The following RIPK1 variants were observed in gnomAD, a reference collection of about 807,000 sequenced individuals.
RIPK1 encodes receptor-interacting serine/threonine-protein kinase 1.
Under a neutral mutation model 62.4 loss-of-function variants are expected in RIPK1, and 27 were observed. That is an observed-to-expected ratio of 0.43 (90% CI 0.32 to 0.60). The LOEUF (loss-of-function observed/expected upper bound fraction) is 0.60. Ranked by LOEUF, RIPK1 falls within the 20% of genes least tolerant of loss-of-function variation. RIPK1 has a pLI of 0.07. For missense variants in RIPK1, 735 were observed against 831.0 expected, an observed-to-expected ratio of 0.88 and a Z score of 1.42; for synonymous variants, 287 against 303.2, an observed-to-expected ratio of 0.95 and a Z score of 0.55.
At position 3,097,353 on chromosome 6, in the gene RIPK1, A is replaced by G. The variant is rs148278500; in HGVS notation, c.916-6872A>G. ...CCTTATCAGATTCTTGTCAAGAATT[A>G]TTATAAAGCTATATTAAAAAGACAG... On this transcript the variant is annotated intron_variant, in intron 7 of 10. Transcript: ENST00000259808. Among the ~76,000 whole-genome samples the G allele has an allele frequency of 9.8e-5, 15 of 152,372 alleles. No homozygotes were observed. The East Asian group carries it at 2.9e-3, about 29-fold the overall frequency.
intron 7 of RIPK1, among the ~76,000 whole-genome samples, chr6:3,101,563 G>A (rs1310806135): frequency 6.6e-6 from 1 of 151,972 alleles, no homozygotes; most frequent in Non-Finnish European, 1.5e-5. Flanking sequence ...TATTCATTTA[G>A]CTAGTATTTT....
chr6:3,089,455 G>A (rs1759902094), intron 6 of RIPK1, 126 bp from the exon 7 acceptor site: 2 of 639,598 alleles, frequency 3.1e-6, no homozygotes, highest in African/African-American at 3.7e-5. Context: ...GTGATTTGGA[G>A]CTTAAATTTT....
intron 6 of RIPK1, among the ~76,000 whole-genome samples, chr6:3,088,361 T>C (rs1365668354): frequency 2.6e-5 from 4 of 152,216 alleles, no homozygotes; most frequent in Non-Finnish European, 5.9e-5. Flanking sequence ...ACCTCATTAC[T>C]ACTGGACAAT....
rs1330504136 is a variant in RIPK1 at position 3,113,627 on chromosome 6, C to T, written c.*288C>T. The T allele has an allele frequency of 5.0e-5, 18 of 358,314 alleles. No individual in the cohort carries two copies. Among genetic ancestry groups the T allele is most frequent in the Non-Finnish European group, 5.2e-5 (10 of 193,902 alleles). The allele number at this position is 358,314 out of a possible 1,614,324, so 22.2% of individuals were successfully genotyped here. ...GCACTGAGCCACTGCGCCCAGCCAA[C>T]AATCCGCTCTGAGGAAAGCGTAAGC... On this transcript the variant is annotated 3_prime_UTR_variant, in exon 11 of 11. Coordinates refer to ENST00000259808, the MANE Select transcript of RIPK1 (RefSeq NM_001354930.2). This position sits in a 1 kb window ranked among gnomAD's most constrained non-coding sequence, Gnocchi z 5.0.
chr6:3,099,885 AAGATGT>A (rs1178071436), intron 7 of RIPK1, among the ~76,000 whole-genome samples: 1 of 152,250 alleles, frequency 6.6e-6, no homozygotes, highest in Non-Finnish European at 1.5e-5. Flanking sequence ...CGTGCACTCA[AAGATGT>A]AGTTTCCATT....
intron 1 of RIPK1, among the ~76,000 whole-genome samples, chr6:3,071,981 G>A (rs541315806): frequency 6.6e-6 from 1 of 152,300 alleles, no homozygotes; most frequent in South Asian, 2.1e-4. Flanking sequence ...TACTGTCTGT[G>A]ACCTTTTTTA....
At position 3,085,249 on chromosome 6, in the gene RIPK1, T is replaced by C. The variant is rs371116865; in HGVS notation, c.689-10T>C. On this transcript the variant is annotated splice_polypyrimidine_tract_variant and intron_variant, in intron 5 of 10. Coordinates refer to ENST00000259808, the MANE Select transcript of RIPK1 (RefSeq NM_001354930.2). ...GGAGCAAGACCTGAAAGAAAGTCTT[T>C]GCTTTGTAGATGCTATCTGTGAGCA... 2.2e-5 allele frequency: 36 copies of C among 1,614,118 alleles called. No individual in the cohort carries two copies. The highest frequency in any genetic ancestry group is 2.5e-5 in the Non-Finnish European group (29 of 1,180,010).
chr6:3,095,287 C>T (rs1452983714), intron 7 of RIPK1, among the ~76,000 whole-genome samples: 1 of 152,054 alleles, frequency 6.6e-6, no homozygotes, highest in Admixed American at 6.6e-5. Flanking sequence ...ATTCCTGTAA[C>T]TATTAAAAGA....
At chr6:3,083,348 C>T (rs372970327) in intron 5 of RIPK1, 35 bp downstream of exon 5, 19 of 1,549,358 alleles carry the variant, frequency 1.2e-5, no homozygotes, top group Non-Finnish European at 1.5e-5. Flanking sequence ...GCCGTCCCCT[C>T]AGCATCTACA....
In RIPK1 at chr6:3,068,878, G is replaced by A. The variant is rs554289919; in HGVS notation, c.-61+217G>A. ...GAAAGTAACGCTCGGGTGCTTGCGT[G>A]GAGGCCGGGGCGGCCGCGGGCTTCC... On this transcript the variant is annotated intron_variant, in intron 1 of 10. Coordinates refer to ENST00000259808, the MANE Select transcript of RIPK1 (RefSeq NM_001354930.2). 6 of 179,020 alleles carry A rather than the reference G, an allele frequency of 3.4e-5. No individual in the cohort carries two copies. The South Asian group carries it at 9.3e-4, about 28-fold the overall frequency. The allele number at this position is 179,020 out of a possible 1,614,324, so 11.1% of individuals were successfully genotyped here.
chr6:3,102,082 A>C (rs1760611580), intron 7 of RIPK1, among the ~76,000 whole-genome samples: 1 of 152,218 alleles, frequency 6.6e-6, no homozygotes, highest in East Asian at 1.9e-4. Context: ...AATGTTTTCA[A>C]GGTTCATCTG....
At chr6:3,099,137 A>C (rs1760469586) in intron 7 of RIPK1, among the ~76,000 whole-genome samples, 1 of 152,254 alleles carries the variant, frequency 6.6e-6, no homozygotes, top group Non-Finnish European at 1.5e-5. Flanking sequence ...GCAAGGTATA[A>C]AGAAAAAGAT....
In RIPK1 at chr6:3,068,516, G is replaced by T; in HGVS notation, c.-206G>T. The T allele has an allele frequency of 3.0e-6, 3 of 985,254 alleles. No individual in the cohort carries two copies. Among genetic ancestry groups the T allele is most frequent in the Non-Finnish European group, 3.6e-6 (3 of 829,832 alleles). 61.0% of individuals were successfully genotyped at this position (985,254 alleles called of 1,614,324 possible). On this transcript the variant is annotated 5_prime_UTR_variant, in exon 1 of 11. Coordinates refer to ENST00000259808, the MANE Select transcript of RIPK1 (RefSeq NM_001354930.2). ...AACAGTCCACGCCCTCCAGCCGGGC[G>T]CGCTCGACGCGGACGGCGGGCCAGC...
rs1033227860 is a variant in RIPK1, at chr6:3,089,460, A to C, written c.839-121A>C. On this transcript the variant is annotated intron_variant, in intron 6 of 10. Transcript: ENST00000259808. ...ATCAGAGTCAGTGATTTGGAGCTTA[A>C]ATTTTTATTTAAGCTTTGCCCACAG... The C allele has an allele frequency of 3.2e-5, 21 of 648,050 alleles. No homozygotes were observed. The Admixed American group carries it at 5.9e-4, about 18-fold the overall frequency. The allele number at this position is 648,050 out of a possible 1,614,324, so 40.1% of individuals were successfully genotyped here.
intron 3 of RIPK1, among the ~76,000 whole-genome samples, chr6:3,080,774 A>G (rs1290294447): frequency 6.6e-6 from 1 of 151,646 alleles, no homozygotes; most frequent in Non-Finnish European, 1.5e-5. Flanking sequence ...TTTTACACTA[A>G]CAAAATACAA....
chr6:3,097,762 T>C (rs1228219771), intron 7 of RIPK1, among the ~76,000 whole-genome samples: 1 of 152,110 alleles, frequency 6.6e-6, no homozygotes, highest in African/African-American at 2.4e-5. Context: ...TAAATGAATG[T>C]TTAAAACGAA....
chr6:3,099,388 C>T (rs999155132), intron 7 of RIPK1, among the ~76,000 whole-genome samples: 1 of 151,956 alleles, frequency 6.6e-6, no homozygotes, highest in African/African-American at 2.4e-5. Context: ...ACTAAAAATA[C>T]AAAAAATTAG....
chr6:3,096,750 G>A (rs1004056119), intron 7 of RIPK1, among the ~76,000 whole-genome samples: 21 of 149,790 alleles, frequency 1.4e-4, no homozygotes, highest in African/African-American at 4.5e-4. Flanking sequence ...TAATAGAGAC[G>A]GTGTTTCACC....
intron 1 of RIPK1, among the ~76,000 whole-genome samples, chr6:3,075,327 G>A (rs1758994929): frequency 3.3e-5 from 5 of 152,154 alleles, no homozygotes; most frequent in Admixed American, 2.6e-4. Flanking sequence ...GAAAATGAAT[G>A]AATGGAAGAA....
Sources: gnomAD v4.1 joint callset for allele counts (sites outside exome capture counted in the v4.1 genomes callset) on GRCh38, gnomAD v4.1.1 for gene constraint, Gnocchi (gnomAD v3.1) non-coding constraint, MANE v1.5 for transcripts, NCBI Gene and HGNC (gene_info 2026-07-23, HGNC 2026-07-21) for gene names.